SLMAP: variants seen among roughly 807,000 people sequenced by gnomAD.
SLMAP encodes sarcolemmal membrane-associated protein.
A neutral mutation model predicts 128.8 loss-of-function variants in SLMAP; 44 were observed. The observed-to-expected ratio is 0.34, with a 90% confidence interval of 0.27 to 0.44. The LOEUF (loss-of-function observed/expected upper bound fraction) is 0.44, where lower values mean the gene tolerates loss of function less well. Ranked by LOEUF, SLMAP falls within the 20% of genes least tolerant of loss-of-function variation. The probability of loss-of-function intolerance (pLI) is 1.00; values close to 1 mark genes in which losing one functional copy is unlikely to be tolerated. For synonymous variants in SLMAP, 327 were observed against 348.8 expected (o/e 0.94, Z 0.70); for missense variants, 787 against 985.3 (o/e 0.80, Z 2.69).
At position 57,909,154 on chromosome 3, in the gene SLMAP, TG is replaced by T. The variant is rs1264233231; in HGVS notation, c.1699+6del. The T allele has an allele frequency of 6.3e-7, 1 of 1,592,562 alleles. No homozygotes were observed. Among genetic ancestry groups the T allele is most frequent in the Non-Finnish European group, 8.6e-7 (1 of 1,163,944 alleles). ...AAACAAATACAGGTTCTTCAAGGTATGGAAGACCCCAAGGCTCTTTGAGATT... is the reference window on the plus strand; with the variant it reads ...AAACAAATACAGGTTCTTCAAGGTATGAAGACCCCAAGGCTCTTTGAGATT... On this transcript the variant is annotated splice_donor_5th_base_variant and intron_variant, in intron 19 of 24. Coordinates refer to ENST00000671191, the MANE Select transcript of SLMAP (RefSeq NM_001377540.1).
At chr3:57,849,655 A>G in intron 5 of SLMAP, 99 bp from the exon 6 acceptor site, 1 of 714,994 alleles carries the variant, frequency 1.4e-6, no homozygotes, top group African/African-American at 1.8e-5. Flanking sequence ...AATAACAGTT[A>G]TTTTGCATAT....
chr3:57,809,040 G>T (rs894453607), intron 2 of SLMAP, among the ~76,000 whole-genome samples: 25 of 152,112 alleles, frequency 1.6e-4, no homozygotes, highest in African/African-American at 6.0e-4. Context: ...ATGGACCCTG[G>T]CCTCCCTGTG....
At chr3:57,873,139 A>G (rs765741716) in intron 14 of SLMAP, among the ~76,000 whole-genome samples, 6 of 152,246 alleles carry the variant, frequency 3.9e-5, no homozygotes, top group Non-Finnish European at 7.3e-5. Flanking sequence ...ATACTATAAT[A>G]TTAAGTATAA....
At chr3:57,842,740 T>G (rs2093999406) in intron 4 of SLMAP, among the ~76,000 whole-genome samples, 1 of 152,230 alleles carries the variant, frequency 6.6e-6, no homozygotes, top group Non-Finnish European at 1.5e-5. Context: ...CATTTTCTTC[T>G]CATTGTTTGT....
At chr3:57,848,067 C>T (rs949863254) in intron 5 of SLMAP, among the ~76,000 whole-genome samples, 1 of 152,106 alleles carries the variant, frequency 6.6e-6, no homozygotes, top group Non-Finnish European at 1.5e-5. Flanking sequence ...GTATACTTTC[C>T]AAGCTTAATA....
At chr3:57,893,859 A>G (rs1243864410) in intron 15 of SLMAP, among the ~76,000 whole-genome samples, 1 of 152,204 alleles carries the variant, frequency 6.6e-6, no homozygotes, top group Non-Finnish European at 1.5e-5. Context: ...ATGGGCCTCC[A>G]TGGCCAGTGA....
chr3:57,774,211 G>A (rs2081390482), intron 2 of SLMAP, among the ~76,000 whole-genome samples: 2 of 152,150 alleles, frequency 1.3e-5, no homozygotes, highest in South Asian at 4.1e-4. Context: ...GTTTTAAGAT[G>A]AGCAGCAGTT....
chr3:57,862,819 A>T (rs1164980864), intron 10 of SLMAP, among the ~76,000 whole-genome samples: 1 of 152,194 alleles, frequency 6.6e-6, no homozygotes, highest in Non-Finnish European at 1.5e-5. Flanking sequence ...ATTGCTGAAT[A>T]GTTATTGATG....
chr3:57,853,954 ATTATATATATAT>A (rs1560252039), intron 6 of SLMAP, among the ~76,000 whole-genome samples: 1 of 40,612 alleles, frequency 2.5e-5, no homozygotes, highest in Admixed American at 3.8e-4. Flanking sequence ...AAAAAAAAAA[ATTATATATATAT>A]ATATATATAT....
chr3:57,830,097 C>T (rs1004873581), intron 2 of SLMAP, among the ~76,000 whole-genome samples: 6 of 152,224 alleles, frequency 3.9e-5, no homozygotes, highest in African/African-American at 7.2e-5. Flanking sequence ...TGCAGGGGCA[C>T]GATCTTGGCT....
At chr3:57,889,066 A>G (rs2095990080) in intron 14 of SLMAP, among the ~76,000 whole-genome samples, 1 of 152,134 alleles carries the variant, frequency 6.6e-6, no homozygotes, top group African/African-American at 2.4e-5. Flanking sequence ...TTGTGTTTCC[A>G]GTAGAGACAG....
At chr3:57,820,617 A>G (rs1317065039) in intron 2 of SLMAP, among the ~76,000 whole-genome samples, 2 of 152,176 alleles carry the variant, frequency 1.3e-5, no homozygotes, top group African/African-American at 4.8e-5. Flanking sequence ...TTGCAGGGTA[A>G]TCTGGACCTC....
At chr3:57,758,374 T>A (rs757007057) in intron 2 of SLMAP, among the ~76,000 whole-genome samples, 7 of 152,224 alleles carry the variant, frequency 4.6e-5, no homozygotes, top group Admixed American at 3.3e-4. Context: ...ATACTTGCCC[T>A]TGGAGGAGTA....
At chr3:57,879,088 G>T (rs756529131) in intron 14 of SLMAP, among the ~76,000 whole-genome samples, 2 of 152,130 alleles carry the variant, frequency 1.3e-5, no homozygotes, top group Admixed American at 1.3e-4. Context: ...AAACTTCTGG[G>T]CTCAAGTGAT....
intron 14 of SLMAP, among the ~76,000 whole-genome samples, chr3:57,883,565 A>G (rs1398250998): frequency 6.6e-6 from 1 of 152,200 alleles, no homozygotes; most frequent in Non-Finnish European, 1.5e-5. Context: ...AGTGTTTCCA[A>G]AGGGAGGCAG....
chr3:57,849,534 A>G (rs956219167), intron 5 of SLMAP, among the ~76,000 whole-genome samples: 33 of 152,220 alleles, frequency 2.2e-4, no homozygotes, highest in Non-Finnish European at 1.0e-4. Flanking sequence ...AAATATGTGG[A>G]TCTGTTGATT....
chr3:57,787,842 A>T (rs182721739), intron 2 of SLMAP, among the ~76,000 whole-genome samples: 1 of 152,354 alleles, frequency 6.6e-6, no homozygotes, highest in Non-Finnish European at 1.5e-5. Context: ...ATAGGAGTGA[A>T]AGATATGATC....
At chr3:57,836,362 A>G (rs950553060) in intron 3 of SLMAP, among the ~76,000 whole-genome samples, 1 of 152,184 alleles carries the variant, frequency 6.6e-6, no homozygotes, top group African/African-American at 2.4e-5. Context: ...AATTTCAGAA[A>G]AAGAATATAT....
intron 2 of SLMAP, among the ~76,000 whole-genome samples, chr3:57,811,302 C>T (rs1011365072): frequency 7.9e-5 from 12 of 152,090 alleles, no homozygotes; most frequent in African/African-American, 2.9e-4. Context: ...TGATTTTGGA[C>T]CCCTGAAACT....
Sources: allele counts gnomAD v4.1 joint callset (sites outside exome capture counted in the v4.1 genomes callset), GRCh38; gene constraint gnomAD v4.1.1; transcripts MANE v1.5; gene names NCBI Gene and HGNC (gene_info 2026-07-23, HGNC 2026-07-21).